The following CCDC50 variants were observed in gnomAD, a reference collection of about 807,000 sequenced individuals.
The protein encoded by CCDC50 is coiled-coil domain-containing protein 50.
In CCDC50, 54 loss-of-function variants were observed where a neutral mutation model predicts 70.2. The ratio of observed to expected loss-of-function variants is 0.77; its 90% CI spans 0.62 to 0.96. CCDC50 has a LOEUF of 0.96. CCDC50 is among the 50% of genes least tolerant of loss of function. The pLI, the probability that CCDC50 is intolerant of heterozygous loss-of-function variation, is 0.00. For missense variants in CCDC50, 558 were observed against 578.7 expected, an observed-to-expected ratio of 0.96 and a Z score of 0.37; for synonymous variants, 216 against 198.8, an observed-to-expected ratio of 1.09 and a Z score of -0.73.
rs1309262560 is a variant in CCDC50, at chr3:191,394,265, A to G, written c.*2505A>G. The G allele has an allele frequency of 2.0e-5, 3 of 152,082 alleles. No homozygotes were observed. Among genetic ancestry groups the G allele is most frequent in the African/African-American group, 7.2e-5 (3 of 41,436 alleles). The allele number at this position is 152,082 out of a possible 1,614,324, so 9.4% of individuals were successfully genotyped here. Reference sequence around the variant, plus strand: ...TTTTGTGTAAAGCAAACACTTTTAAAATAATATCAGAGTAATTATTACCCT... The same window carrying G: ...TTTTGTGTAAAGCAAACACTTTTAAGATAATATCAGAGTAATTATTACCCT... On this transcript the variant is annotated 3_prime_UTR_variant, in exon 12 of 12. Transcript: ENST00000392455.
chr3:191,364,641 G>A (rs535312398), intron 4 of CCDC50, among the ~76,000 whole-genome samples: 1 of 151,868 alleles, frequency 6.6e-6, no homozygotes, highest in East Asian at 1.9e-4. Context: ...ATGTGGTGGA[G>A]TTATACAACC....
intron 9 of CCDC50, 115 bp from the exon 10 acceptor site, chr3:191,382,631 A>G (rs1206457892): frequency 1.4e-6 from 1 of 699,496 alleles, no homozygotes; most frequent in Admixed American, 2.4e-5. Context: ...TGAAATTACT[A>G]AGGAAGAGCT....
chr3:191,369,929 G>T lies in CCDC50; in HGVS notation c.341G>T (p.Arg114Leu), dbSNP rs1712838907. 6.2e-7 allele frequency: 1 copy of T among 1,610,270 alleles called. No homozygotes were observed. Among genetic ancestry groups the T allele is most frequent in the South Asian group, 1.1e-5 (1 of 90,982 alleles). ...CTCTTGTCTTTGCAGGACATAGCTC[G>T]CCTTTTGCAAGAAAAGGAGTTACAG... is the stretch of plus-strand genomic sequence containing the variant. ...IQEKKDEDIA[R>L]LLQEKELQEE... Residue 114 changes from arginine (R) to leucine (L), a missense_variant, in exon 5 of 12, where the codon CGC (arginine) becomes CTC (leucine). By Grantham distance (102) the Arg-to-Leu change is moderately radical. Coordinates refer to ENST00000392455, the MANE Select transcript of CCDC50 (RefSeq NM_178335.3).
chr3:191,380,755 A>G lies in CCDC50; in HGVS notation c.1137+24A>G, dbSNP rs780132283. On this transcript the variant is annotated intron_variant, in intron 8 of 11. Transcript: ENST00000392455. ...AAGTAAGTTAATGAGTTTAGCTGAT[A>G]TTCTTTGGAAATATCCTAGTATATT... is the stretch of plus-strand genomic sequence containing the variant. 16 of 1,611,940 alleles carry G rather than the reference A, an allele frequency of 9.9e-6. No homozygotes were observed. In the African/African-American group the frequency reaches 1.9e-4, roughly 19 times the overall value.
chr3:191,377,874 C>CACCTG (rs1560169163), intron 6 of CCDC50, among the ~76,000 whole-genome samples: 1 of 152,086 alleles, frequency 6.6e-6, no homozygotes, highest in Non-Finnish European at 1.5e-5. Context: ...AAATACCACT[C>CACCTG]ACCTGATTTT....
intron 4 of CCDC50, among the ~76,000 whole-genome samples, chr3:191,362,394 G>T (rs967929861): frequency 6.6e-6 from 1 of 152,122 alleles, no homozygotes; most frequent in African/African-American, 2.4e-5. Flanking sequence ...CAAAGCACTG[G>T]AATTACTGGC....
At chr3:191,331,782 T>C (rs1392863990) in intron 1 of CCDC50, among the ~76,000 whole-genome samples, 1 of 152,186 alleles carries the variant, frequency 6.6e-6, no homozygotes, top group East Asian at 1.9e-4. Context: ...GCCCAGTTAC[T>C]CCCTAACAGT....
At chr3:191,370,225 T>C (rs1435775569) in intron 5 of CCDC50, 189 bp downstream of exon 5, 2 of 515,600 alleles carry the variant, frequency 3.9e-6, no homozygotes, top group Non-Finnish European at 7.1e-6. Context: ...TGTTTTGTTT[T>C]TATTATACTT....
In CCDC50 at chr3:191,398,057, C is replaced by T. The variant is rs904740460; in HGVS notation, c.*6297C>T. 2 of 152,180 alleles carry T rather than the reference C, an allele frequency of 1.3e-5. No homozygotes were observed. Among genetic ancestry groups the T allele is most frequent in the Non-Finnish European group, 2.9e-5 (2 of 68,046 alleles). The allele number at this position is 152,180 out of a possible 1,614,324, so 9.4% of individuals were successfully genotyped here. ...GAAGCAGTCTCTTTCAGTTCACCTC[C>T]GTACAGCACAAGTTGTTCCTGCTCA... On this transcript the variant is annotated 3_prime_UTR_variant, in exon 12 of 12. Transcript: ENST00000392455.
At chr3:191,390,520 G>A (rs1044842578) in intron 11 of CCDC50, among the ~76,000 whole-genome samples, 1 of 151,934 alleles carries the variant, frequency 6.6e-6, no homozygotes, top group African/African-American at 2.4e-5. Context: ...AGTTTTCTGG[G>A]AAAGGGGTGG....
rs750436314 is a variant in CCDC50 at position 191,342,578 on chromosome 3, T to C, written c.49+12855T>C. On this transcript the variant is annotated intron_variant, in intron 1 of 11. Transcript: ENST00000392455. ...TGTACTTAAGCTGGGCTGGAAGTGA[T>C]CTTTGGGTTTTAATGGGCATGGCTG... is the stretch of plus-strand genomic sequence containing the variant. Among the ~76,000 whole-genome samples, 28 of 152,172 alleles carry C rather than the reference T, an allele frequency of 1.8e-4. 1 individual carries two copies. Among genetic ancestry groups the C allele is most frequent in the Non-Finnish European group, 3.8e-4 (26 of 68,028 alleles).
intron 1 of CCDC50, among the ~76,000 whole-genome samples, chr3:191,355,985 G>A (rs1329219992): frequency 1.3e-5 from 2 of 152,132 alleles, no homozygotes; most frequent in Non-Finnish European, 2.9e-5. Flanking sequence ...GCAAAGGAAC[G>A]TTTTTCATTC....
At position 191,380,175 on chromosome 3, in the gene CCDC50, G is replaced by A; in HGVS notation, c.993G>A (p.Val331=). 6.3e-7 allele frequency: 1 copy of A among 1,582,020 alleles called. No individual in the cohort carries two copies. The highest frequency in any genetic ancestry group is 8.7e-7 in the Non-Finnish European group (1 of 1,153,106). The change falls in exon 7 of 12, where the codon GTG becomes GTA. Residue 331 remains valine, a synonymous_variant. Transcript: ENST00000392455. ...TTTTTAAAGGAATGAAGCCAAGAGTGATGAAAGAAGCTGTATCTACTCCAT... is the reference window on the plus strand; with the variant it reads ...TTTTTAAAGGAATGAAGCCAAGAGTAATGAAAGAAGCTGTATCTACTCCAT... The part of the protein sequence containing the change: ...HLHDAGMKPR[V]MKEAVSTPSR...
chr3:191,358,136 G>T lies in CCDC50; in HGVS notation c.239+12G>T, dbSNP rs1712357242. ...CGCTACAAAGACCTGTGAGGATTTG[G>T]GAGGTGGGAGGGGTGATGCAAGACT... On this transcript the variant is annotated intron_variant, in intron 3 of 11. Transcript: ENST00000392455. 2 of 1,613,596 alleles carry T rather than the reference G, an allele frequency of 1.2e-6. No individual in the cohort carries two copies. The highest frequency in any genetic ancestry group is 2.7e-5 in the African/African-American group (2 of 74,982).
In CCDC50 at chr3:191,380,026, C is replaced by G. The variant is rs964916601; in HGVS notation, c.977-133C>G. ...AAAAATATTTTTAATGCACCCCACA[C>G]TGTATTCTGGAGTAGAGGTAGTATT... On this transcript the variant is annotated intron_variant, in intron 6 of 11. Transcript: ENST00000392455. 21 of 660,928 alleles carry G rather than the reference C, an allele frequency of 3.2e-5. No individual in the cohort carries two copies. The African/African-American group carries it at 3.7e-4, about 12-fold the overall frequency. 40.9% of individuals were successfully genotyped at this position (660,928 alleles called of 1,614,324 possible). A position where few individuals can be genotyped will look rare whatever the true frequency, so the allele number is the denominator to read the frequency against.
At position 191,375,173 on chromosome 3, in the gene CCDC50, C is replaced by T. The variant is rs1322744129; in HGVS notation, c.560C>T (p.Pro187Leu). 2 of 1,613,720 alleles carry T rather than the reference C, an allele frequency of 1.2e-6. No homozygotes were observed. The highest frequency in any genetic ancestry group is 1.7e-6 in the Non-Finnish European group (2 of 1,179,790). Residue 187 changes from proline (P) to leucine (L), a missense_variant, in exon 6 of 12, where the codon CCA becomes CTA. By Grantham distance (98) the Pro-to-Leu change is moderately conservative (BLOSUM62 -3). Coordinates refer to ENST00000392455, the MANE Select transcript of CCDC50 (RefSeq NM_178335.3). Reference protein sequence around the residue: ...VKHKKEKPEHPLENLEEPEQH... With the variant: ...VKHKKEKPEHLLENLEEPEQH... ...CACAAGAAAGAGAAACCAGAACATC[C>T]ACTGGAGAACTTGGAAGAGCCAGAA...
intron 10 of CCDC50, among the ~76,000 whole-genome samples, chr3:191,385,456 T>C (rs1576975382): frequency 6.6e-6 from 1 of 152,222 alleles, no homozygotes; most frequent in Non-Finnish European, 1.5e-5. Context: ...TGTATTTCTT[T>C]TGAGAAGTGT....
rs1174745989 is a variant in CCDC50, at chr3:191,398,644, A to C, written c.*6884A>C. 3 of 152,300 alleles carry C rather than the reference A, an allele frequency of 2.0e-5. No individual in the cohort carries two copies. Among genetic ancestry groups the C allele is most frequent in the Non-Finnish European group, 4.4e-5 (3 of 68,022 alleles). The allele number at this position is 152,300 out of a possible 1,614,324, so 9.4% of individuals were successfully genotyped here. ...GCCTGGTGTATTGAAATCCTCAATAAATACTGCCAAGTGTGGATCAGTTGG... is the reference window on the plus strand; with the variant it reads ...GCCTGGTGTATTGAAATCCTCAATACATACTGCCAAGTGTGGATCAGTTGG... On this transcript the variant is annotated 3_prime_UTR_variant, in exon 12 of 12. Coordinates refer to ENST00000392455, the MANE Select transcript of CCDC50 (RefSeq NM_178335.3).
chr3:191,362,591 C>T (rs1470740246), intron 4 of CCDC50, among the ~76,000 whole-genome samples: 6 of 151,978 alleles, frequency 3.9e-5, no homozygotes, highest in African/African-American at 1.2e-4. Context: ...TGTTAAGCAC[C>T]CAGAAACACT....
Sources: gnomAD v4.1 joint callset for allele counts (sites outside exome capture counted in the v4.1 genomes callset) on GRCh38, gnomAD v4.1.1 for gene constraint, MANE v1.5 for transcripts, NCBI Gene and HGNC (gene_info 2026-07-23, HGNC 2026-07-21) for gene names.